GAS2: variants seen among roughly 807,000 people sequenced by gnomAD.
GAS2 encodes growth arrest-specific protein 2.
GAS2 carries 20 observed loss-of-function variants against 37.5 expected under a neutral mutation model. The observed-to-expected ratio is 0.53, with a 90% CI of 0.37 to 0.77. GAS2 has a LOEUF of 0.77. GAS2 is among the 30% of genes least tolerant of loss of function. The probability of loss-of-function intolerance (pLI) is 0.00; values close to 1 mark genes in which losing one functional copy is unlikely to be tolerated. For missense variants in GAS2, 336 were observed against 373.4 expected (o/e 0.90, Z 0.82); for synonymous variants, 144 against 132.2 (o/e 1.09, Z -0.61).
chr11:22,751,009 A>T (rs1448403345), intron 6 of GAS2, among the ~76,000 whole-genome samples: 1 of 151,784 alleles, frequency 6.6e-6, no homozygotes, highest in Non-Finnish European at 1.5e-5. Context: ...ACTGTTGACC[A>T]CTCCATTCTT....
Position 22,674,202 on chromosome 11 carries a change from C to T in GAS2, c.-20-648C>T, listed in dbSNP as rs907740592. ...GTATGATCTTGGTGAAGTCACTTATCCTCTATTTTTTTATTTTTTTTTTTT... is the reference window on the plus strand; with the variant it reads ...GTATGATCTTGGTGAAGTCACTTATTCTCTATTTTTTTATTTTTTTTTTTT... On this transcript the variant is annotated intron_variant, in intron 1 of 7. Coordinates refer to ENST00000454584, the MANE Select transcript of GAS2 (RefSeq NM_001143830.3). Among the ~76,000 whole-genome samples, 11 of 129,378 alleles carry T rather than the reference C, an allele frequency of 8.5e-5. No individual in the cohort carries two copies. The South Asian group carries it at 1.9e-3, about 23-fold the overall frequency. The allele number at this position is 129,378 out of a possible 152,430, so 84.9% of individuals were successfully genotyped here.
chr11:22,789,425 G>GATATATAT (rs35755438), intron 7 of GAS2, among the ~76,000 whole-genome samples: 83 of 30,640 alleles, frequency 2.7e-3, no homozygotes, highest in African/African-American at 7.0e-3. Context: ...TCTCATATGA[G>GATATATAT]ATATATATAT....
intron 7 of GAS2, among the ~76,000 whole-genome samples, chr11:22,757,240 C>A (rs1164514801): frequency 6.6e-6 from 1 of 151,934 alleles, no homozygotes; most frequent in Non-Finnish European, 1.5e-5. Flanking sequence ...ATTTCAGATG[C>A]AAATTTAGTC....
At chr11:22,765,077 G>T (rs748683280) in intron 7 of GAS2, among the ~76,000 whole-genome samples, 2 of 152,138 alleles carry the variant, frequency 1.3e-5, no homozygotes, top group Admixed American at 1.3e-4. Context: ...AAACTGCACA[G>T]CTTCTATAAT....
intron 1 of GAS2, among the ~76,000 whole-genome samples, chr11:22,652,923 T>C (rs931937133): frequency 6.7e-5 from 10 of 149,278 alleles, no homozygotes; most frequent in Admixed American, 2.7e-4. Flanking sequence ...GAGCGGTTCC[T>C]ATTCGGCCAT....
At chr11:22,807,719 C>T (rs1449588612) in intron 7 of GAS2, among the ~76,000 whole-genome samples, 2 of 152,120 alleles carry the variant, frequency 1.3e-5, no homozygotes, top group Non-Finnish European at 2.9e-5. Flanking sequence ...AGATCAGTCC[C>T]AAATCCATCT....
Position 22,776,367 on chromosome 11 carries a change from G to A in GAS2, c.723+20414G>A, listed in dbSNP as rs190406764. Among the ~76,000 whole-genome samples, 47 of 152,300 alleles carry A rather than the reference G, an allele frequency of 3.1e-4. 1 individual carries two copies. The highest frequency in any genetic ancestry group is 3.1e-3 in the Admixed American group (47 of 15,302). ...TACTTACAAAAATAGGTATGGGCCA[G>A]ATTTGTTCTATAAACCATATAGTTT... On this transcript the variant is annotated intron_variant, in intron 7 of 7. Coordinates refer to ENST00000454584, the MANE Select transcript of GAS2 (RefSeq NM_001143830.3).
rs139356133 is a variant in GAS2, at chr11:22,739,388, C to T, written c.473+1620C>T. Among the ~76,000 whole-genome samples, 843 of 151,778 alleles carry T rather than the reference C, an allele frequency of 5.6e-3. 14 individuals are homozygous for T. Among genetic ancestry groups the T allele is most frequent in the African/African-American group, 0.018 (764 of 41,404 alleles). ...AGGAGATCGAGACCATCCTGACTAA[C>T]AGAATGAAACCCTGTCTATACTAAA... On this transcript the variant is annotated intron_variant, in intron 5 of 7. Coordinates refer to ENST00000454584, the MANE Select transcript of GAS2 (RefSeq NM_001143830.3).
chr11:22,715,550 T>C (rs547650619), intron 3 of GAS2, among the ~76,000 whole-genome samples: 8 of 150,250 alleles, frequency 5.3e-5, no homozygotes, highest in African/African-American at 1.7e-4. Context: ...CGAAAGACCA[T>C]TTAAGGCTAC....
At chr11:22,776,230 G>T (rs1236595533) in intron 7 of GAS2, among the ~76,000 whole-genome samples, 1 of 152,130 alleles carries the variant, frequency 6.6e-6, no homozygotes, top group Non-Finnish European at 1.5e-5. Context: ...AAGACCAAGG[G>T]GGCCAGATAT....
downstream of GAS2, chr11:22,813,052 G>A (rs559692968): frequency 6.6e-6 from 1 of 152,544 alleles, no homozygotes; most frequent in African/African-American, 2.4e-5. Flanking sequence ...TTTTCAAATG[G>A]CAACTTTCTC....
chr11:22,741,932 G>A (rs2134247672), intron 5 of GAS2, among the ~76,000 whole-genome samples: 1 of 152,186 alleles, frequency 6.6e-6, no homozygotes, highest in Non-Finnish European at 1.5e-5. Flanking sequence ...GGATCCAGAT[G>A]TCTTTTGTTT....
chr11:22,643,303 G>A (rs139847898), intron 1 of GAS2, among the ~76,000 whole-genome samples: 48 of 151,958 alleles, frequency 3.2e-4, no homozygotes, highest in African/African-American at 1.1e-3. Flanking sequence ...TTAAATAATC[G>A]TCAGTTCAAT....
At chr11:22,675,119 A>AGTT (rs1849364974) in intron 2 of GAS2, 105 bp downstream of exon 2, 1 of 1,134,370 alleles carries the variant, frequency 8.8e-7, no homozygotes, top group Non-Finnish European at 1.2e-6. Flanking sequence ...CTTGGAAAGA[A>AGTT]AGACTTTTAT....
intron 2 of GAS2, among the ~76,000 whole-genome samples, chr11:22,682,065 T>A (rs1345964542): frequency 6.6e-6 from 1 of 152,000 alleles, no homozygotes. Flanking sequence ...ACATTTCAAC[T>A]ATAAAGTATG....
chr11:22,655,466 CA>C (rs987798885), intron 1 of GAS2, among the ~76,000 whole-genome samples: 1 of 152,044 alleles, frequency 6.6e-6, no homozygotes, highest in Admixed American at 6.6e-5. Context: ...GGAAGCATTC[CA>C]AAAACATTAT....
chr11:22,657,486 G>GAAGT (rs1270013386), intron 1 of GAS2, among the ~76,000 whole-genome samples: 2 of 152,072 alleles, frequency 1.3e-5, no homozygotes, highest in African/African-American at 4.8e-5. Context: ...CTTACTAAGG[G>GAAGT]AAGTGGTTGG....
At chr11:22,715,202 C>T (rs889148041) in intron 3 of GAS2, among the ~76,000 whole-genome samples, 1 of 152,008 alleles carries the variant, frequency 6.6e-6, no homozygotes, top group African/African-American at 2.4e-5. Context: ...GTGGCTTACA[C>T]CTGTAATCCA....
intron 7 of GAS2, among the ~76,000 whole-genome samples, chr11:22,795,977 T>G (rs945504853): frequency 1.3e-5 from 2 of 152,132 alleles, no homozygotes; most frequent in African/African-American, 4.8e-5. Flanking sequence ...CTGTGAAAAT[T>G]TTCATACACA....
Sources: allele counts gnomAD v4.1 joint callset (sites outside exome capture counted in the v4.1 genomes callset), GRCh38; gene constraint gnomAD v4.1.1; transcripts MANE v1.5; gene names NCBI Gene and HGNC (gene_info 2026-07-23, HGNC 2026-07-21).